ATL1: variants seen among roughly 807,000 people sequenced by gnomAD.
ATL1 encodes the protein atlastin-1.
Under a neutral mutation model 75.5 loss-of-function variants are expected in ATL1, and 31 were observed. That is an observed-to-expected ratio of 0.41 (90% confidence interval 0.31 to 0.55). ATL1 has a LOEUF of 0.55. Ranked by LOEUF, ATL1 falls within the 20% of genes least tolerant of loss-of-function variation. The pLI, the probability that ATL1 is intolerant of heterozygous loss-of-function variation, is 0.27. For missense variants in ATL1, 405 were observed against 662.6 expected, an observed-to-expected ratio of 0.61 and a Z score of 4.27; for synonymous variants, 226 against 233.3, an observed-to-expected ratio of 0.97 and a Z score of 0.28.
upstream of ATL1, among the ~76,000 whole-genome samples, chr14:50,555,268 TTTTGTTTTGTTTTG>T (rs2038751849): frequency 2.0e-4 from 4 of 20,100 alleles, no homozygotes; most frequent in East Asian, 5.0e-3. Context: ...TTCATTTTTG[TTTTGTTTTGTTTTG>T]TTTGTTTGTT....
intron 4 of ATL1, among the ~76,000 whole-genome samples, chr14:50,592,907 C>T (rs1341602621): frequency 2.4e-5 from 3 of 123,314 alleles, no homozygotes; most frequent in African/African-American, 1.0e-4. Context: ...GGCGAGACTC[C>T]CGTCTCAAAA....
At chr14:50,571,464 G>C (rs892591715) in intron 1 of ATL1, among the ~76,000 whole-genome samples, 1 of 152,162 alleles carries the variant, frequency 6.6e-6, no homozygotes, top group Non-Finnish European at 1.5e-5. Context: ...ACTCTTTCCA[G>C]TCTCACTTCA....
At chr14:50,540,433 G>T (rs1457116800) in intron 1 of ATL1, among the ~76,000 whole-genome samples, 71 of 152,082 alleles carry the variant, frequency 4.7e-4, no homozygotes, top group Non-Finnish European at 4.4e-5. Flanking sequence ...CTTAATTAAG[G>T]GTGAGGGCGG....
chr14:50,567,078 A>G (rs2038911282), intron 1 of ATL1, among the ~76,000 whole-genome samples: 1 of 152,052 alleles, frequency 6.6e-6, no homozygotes, highest in Admixed American at 6.5e-5. Context: ...TATCTCCCGA[A>G]CTCTTCATCT....
intron 11 of ATL1, among the ~76,000 whole-genome samples, chr14:50,623,862 C>T (rs2039491530): frequency 6.6e-6 from 1 of 151,878 alleles, no homozygotes; most frequent in Non-Finnish European, 1.5e-5. Flanking sequence ...ACCAGTCTGG[C>T]CAACATGGTG....
chr14:50,597,167 C>G (rs60432393), intron 6 of ATL1, among the ~76,000 whole-genome samples: 1 of 142,292 alleles, frequency 7.0e-6, no homozygotes, highest in Non-Finnish European at 1.5e-5. Context: ...CAAGATTGCA[C>G]CATTGCACTC....
At chr14:50,588,150 G>A in intron 2 of ATL1, 72 bp downstream of exon 2, 19 of 1,588,146 alleles carry the variant, frequency 1.2e-5, no homozygotes, top group African/African-American at 5.4e-5. Context: ...ATTTCATGGT[G>A]TTCAAAATTT....
chr14:50,538,789 C>T (rs750067846), intron 1 of ATL1, among the ~76,000 whole-genome samples: 5 of 152,136 alleles, frequency 3.3e-5, no homozygotes, highest in East Asian at 1.9e-4. Flanking sequence ...ATTGGTGATT[C>T]GCTTAACCCT....
upstream of ATL1, chr14:50,559,966 T>C (rs948650215): frequency 8.4e-6 from 4 of 476,750 alleles, no homozygotes; most frequent in African/African-American, 7.8e-5. Context: ...TGTTTTCCGT[T>C]GAAAATGTTG....
At chr14:50,593,436 C>A (rs1036915743) in intron 4 of ATL1, among the ~76,000 whole-genome samples, 9 of 152,170 alleles carry the variant, frequency 5.9e-5, no homozygotes, top group Middle Eastern at 6.8e-3. Flanking sequence ...TGATGAAACT[C>A]TGTATAGACA....
At chr14:50,580,449 C>G (rs551824785) in intron 1 of ATL1, among the ~76,000 whole-genome samples, 2 of 151,978 alleles carry the variant, frequency 1.3e-5, no homozygotes, top group Non-Finnish European at 2.9e-5. Context: ...CATTTTCATA[C>G]CTACTTTTAT....
intron 11 of ATL1, 107 bp downstream of exon 11, chr14:50,623,355 G>A (rs1351214399): frequency 1.1e-6 from 1 of 876,756 alleles, no homozygotes; most frequent in East Asian, 2.7e-5. Flanking sequence ...GCAATGAGGT[G>A]GCTTTGACTT....
intron 6 of ATL1, among the ~76,000 whole-genome samples, chr14:50,611,590 C>T (rs186691546): frequency 6.6e-6 from 1 of 151,980 alleles, no homozygotes; most frequent in East Asian, 1.9e-4. Context: ...GACTCCAAAC[C>T]AATAAGTAAA....
At chr14:50,583,645 C>T (rs900648225) in intron 1 of ATL1, among the ~76,000 whole-genome samples, 2 of 152,172 alleles carry the variant, frequency 1.3e-5, no homozygotes, top group Admixed American at 1.3e-4. Context: ...TCATTTCAAA[C>T]TGATCTATAA....
Position 50,588,057 on chromosome 14 carries a change from G to A in ATL1, c.261G>A (p.Met87Ile), listed in dbSNP as rs759633651. 3.1e-6 allele frequency: 5 copies of A among 1,614,206 alleles called. No individual in the cohort carries two copies. In the African/African-American group the frequency reaches 6.7e-5, roughly 22 times the overall value. Residue 87 changes from methionine to isoleucine, a missense_variant, in exon 2 of 14, where the codon ATG becomes ATA. Met to Ile is a conservative substitution (Grantham distance 10, BLOSUM62 1). Coordinates refer to ENST00000358385, the MANE Select transcript of ATL1 (RefSeq NM_015915.5). ...GAAAATCATTCCTGATGGACTTCAT[G>A]TTGAGATACATGTACAACCAGGTAT... ...RKGKSFLMDF[M>I]LRYMYNQESV...
chr14:50,549,753 G>A (rs1032432062), intron 1 of ATL1, among the ~76,000 whole-genome samples: 5 of 152,044 alleles, frequency 3.3e-5, no homozygotes, highest in African/African-American at 1.2e-4. Context: ...ACAGGGGCAG[G>A]ACTCACAGAA....
At chr14:50,555,529 C>T (rs762078892), upstream of ATL1, among the ~76,000 whole-genome samples, 60 of 152,180 alleles carry the variant, frequency 3.9e-4, no homozygotes, top group Non-Finnish European at 7.9e-4. Context: ...GGCAATCTGC[C>T]CGCCTTGGCC....
chr14:50,582,827 C>T (rs1184070747), intron 1 of ATL1, among the ~76,000 whole-genome samples: 6 of 152,198 alleles, frequency 3.9e-5, no homozygotes, highest in African/African-American at 1.4e-4. Flanking sequence ...AATATACATG[C>T]ACAATTCCTA....
chr14:50,563,624 A>G (rs2038873124), intron 1 of ATL1, among the ~76,000 whole-genome samples: 1 of 152,204 alleles, frequency 6.6e-6, no homozygotes, highest in Non-Finnish European at 1.5e-5. Flanking sequence ...TAAGGACCAT[A>G]TAACAGGTGT....
Sources: gnomAD v4.1 joint callset for allele counts (sites outside exome capture counted in the v4.1 genomes callset) on GRCh38, gnomAD v4.1.1 for gene constraint, MANE v1.5 for transcripts, NCBI Gene and HGNC (gene_info 2026-07-23, HGNC 2026-07-21) for gene names.